Variants in LZTS1 observed in about 807,000 individuals in gnomAD.
LZTS1 encodes the protein leucine zipper putative tumor suppressor 1.
Under a neutral mutation model 45.8 loss-of-function variants are expected in LZTS1, and 31 were observed. The observed-to-expected ratio is 0.68, with a 90% CI of 0.51 to 0.91. The LOEUF (loss-of-function observed/expected upper bound fraction) is 0.91, where lower values mean the gene tolerates loss of function less well. Ranked by LOEUF, LZTS1 falls within the 40% of genes least tolerant of loss-of-function variation. The pLI is 0.00. For missense variants in LZTS1, 821 were observed against 788.9 expected (o/e 1.04, Z -0.49); for synonymous variants, 359 against 357.3 (o/e 1.00, Z -0.05).
intron 1 of LZTS1, among the ~76,000 whole-genome samples, chr8:20,303,273 G>C (rs1470927108): frequency 3.3e-5 from 5 of 152,096 alleles, no homozygotes; most frequent in Non-Finnish European, 5.9e-5. Context: ...CCACCGGTGT[G>C]GACACAGCTC....
At chr8:20,252,684 G>T (rs1799960283) in intron 3 of LZTS1, 98 bp downstream of exon 3, 9 of 1,120,106 alleles carry the variant, frequency 8.0e-6, no homozygotes, top group Admixed American at 2.6e-5. Flanking sequence ...TGCCTGCGCG[G>T]TCTGTGTTTG....
In LZTS1 at chr8:20,260,170, G is replaced by A. The variant is rs544565196; in HGVS notation, c.-134-4855C>T. Among the ~76,000 whole-genome samples the A allele has an allele frequency of 2.0e-4, 30 of 152,262 alleles. No homozygotes were observed. In the South Asian group the frequency reaches 2.9e-3, roughly 15 times the overall value. ...TCCCACCTTGGCCTCCCAAAGCACT[G>A]GGATTACAGGTGTGAGCCACCACAC... On this transcript the variant is annotated intron_variant, in intron 1 of 3. Transcript: ENST00000381569.
chr8:20,277,795 T>G (rs552818541), intron 1 of LZTS1, among the ~76,000 whole-genome samples: 3 of 152,272 alleles, frequency 2.0e-5, no homozygotes, highest in South Asian at 4.1e-4. Context: ...CAGCAGGATT[T>G]GTCAGCCTCC....
chr8:20,285,903 A>G (rs1363972640), intron 1 of LZTS1, among the ~76,000 whole-genome samples: 1 of 152,232 alleles, frequency 6.6e-6, no homozygotes, highest in African/African-American at 2.4e-5. Flanking sequence ...GAAAAAGGAG[A>G]CATGGCAGGC....
chr8:20,271,311 C>T (rs1445271539), intron 1 of LZTS1, among the ~76,000 whole-genome samples: 1 of 152,160 alleles, frequency 6.6e-6, no homozygotes, highest in African/African-American at 2.4e-5. Flanking sequence ...GGTTGAGCAT[C>T]CGGCCGTGTT....
chr8:20,258,395 A>T lies in LZTS1; in HGVS notation c.-134-3080T>A, dbSNP rs146757451. ...TTAATTTTAATTTTATTATATATAT[A>T]TTTTTTACAATTAGCAGTTGTGCAT... On this transcript the variant is annotated intron_variant, in intron 1 of 3. Coordinates refer to ENST00000381569, the MANE Select transcript of LZTS1 (RefSeq NM_021020.5). 2.3e-3 allele frequency among the ~76,000 whole-genome samples: 356 copies of T among 152,112 alleles called. 4 individuals are homozygous for T. Among genetic ancestry groups the T allele is most frequent in the African/African-American group, 8.3e-3 (344 of 41,522 alleles).
At chr8:20,291,759 C>G (rs1800904628) in intron 1 of LZTS1, among the ~76,000 whole-genome samples, 1 of 152,216 alleles carries the variant, frequency 6.6e-6, no homozygotes, top group Non-Finnish European at 1.5e-5. Context: ...CTCAGAGAGG[C>G]CAAGTGACTT....
intron 1 of LZTS1, among the ~76,000 whole-genome samples, chr8:20,268,466 C>T (rs1800407276): frequency 1.3e-5 from 2 of 151,978 alleles, no homozygotes. Context: ...ATTCCTCCTC[C>T]TGTTTGTATT....
intron 1 of LZTS1, among the ~76,000 whole-genome samples, chr8:20,299,256 G>A (rs1326358417): frequency 1.3e-5 from 2 of 152,132 alleles, no homozygotes; most frequent in African/African-American, 2.4e-5. Flanking sequence ...CTCCTGCTTC[G>A]CTGACTCCCT....
chr8:20,249,420 T>C lies in LZTS1; in HGVS notation c.*302A>G, dbSNP rs1288813428. The C allele has an allele frequency of 6.0e-6, 2 of 334,406 alleles. No homozygotes were observed. Among genetic ancestry groups the C allele is most frequent in the East Asian group, 1.1e-4 (2 of 18,716 alleles). The allele number at this position is 334,406 out of a possible 1,614,324, so 20.7% of individuals were successfully genotyped here. A position where few individuals can be genotyped will look rare whatever the true frequency, so the allele number is the denominator to read the frequency against. On this transcript the variant is annotated 3_prime_UTR_variant, in exon 4 of 4. Coordinates refer to ENST00000381569, the MANE Select transcript of LZTS1 (RefSeq NM_021020.5). The stretch of plus-strand genomic sequence containing the variant: ...TTCCCTGGAGGAGGGGGAGAGGATA[T>C]CTATTTCGAACAAAGGCCAAAGTTT...
intron 1 of LZTS1, among the ~76,000 whole-genome samples, chr8:20,270,647 C>T (rs952211397): frequency 1.3e-5 from 2 of 152,050 alleles, no homozygotes; most frequent in Non-Finnish European, 2.9e-5. Flanking sequence ...GGACAAAAGG[C>T]GCAGACTCCT....
intron 1 of LZTS1, among the ~76,000 whole-genome samples, chr8:20,268,531 TG>T (rs1330880400): frequency 4.7e-5 from 7 of 150,034 alleles, no homozygotes; most frequent in African/African-American, 1.7e-4. Context: ...GGAAAGGGGT[TG>T]GGGGCCAGGG....
At chr8:20,282,979 C>G (rs1265776352) in intron 1 of LZTS1, among the ~76,000 whole-genome samples, 1 of 152,032 alleles carries the variant, frequency 6.6e-6, no homozygotes, top group African/African-American at 2.4e-5. Flanking sequence ...TAAAATAGGA[C>G]ACTTTCTCTT....
rs969970759 is a variant in LZTS1, at chr8:20,303,937, G to C, written c.-332C>G. ...CTCCCCGCCCGGCCGCTGCCAACCC[G>C]CCAGCTCCAGGCGCGCCGGCCTCTG... On this transcript the variant is annotated 5_prime_UTR_variant, in exon 1 of 4. Coordinates refer to ENST00000381569, the MANE Select transcript of LZTS1 (RefSeq NM_021020.5). 49 of 979,996 alleles carry C rather than the reference G, an allele frequency of 5.0e-5. No homozygotes were observed. The African/African-American group carries it at 7.9e-4, about 16-fold the overall frequency. The allele number at this position is 979,996 out of a possible 1,614,324, so 60.7% of individuals were successfully genotyped here.
chr8:20,268,434 G>T (rs1211193769), intron 1 of LZTS1, among the ~76,000 whole-genome samples: 1 of 151,772 alleles, frequency 6.6e-6, no homozygotes, highest in African/African-American at 2.4e-5. Context: ...TACTCTGCCC[G>T]ATTCAGCTTT....
chr8:20,298,242 AG>A (rs892989608), intron 1 of LZTS1, among the ~76,000 whole-genome samples: 2 of 152,090 alleles, frequency 1.3e-5, no homozygotes, highest in East Asian at 3.9e-4. Context: ...TTGTAGTTTT[AG>A]TAGAGACAGG....
At chr8:20,264,277 T>C (rs1800304439) in intron 1 of LZTS1, among the ~76,000 whole-genome samples, 1 of 152,192 alleles carries the variant, frequency 6.6e-6, no homozygotes, top group African/African-American at 2.4e-5. Context: ...TTCCACCTCA[T>C]TTCTTTTACT....
At chr8:20,302,954 G>A (rs2128900557) in intron 1 of LZTS1, among the ~76,000 whole-genome samples, 1 of 152,200 alleles carries the variant, frequency 6.6e-6, no homozygotes. Context: ...GATGCCTGTT[G>A]CTGCCAAGCT....
In LZTS1 at chr8:20,255,001, T is replaced by C; in HGVS notation, c.181A>G (p.Lys61Glu). ...TTGATGTAGAAGAAGTCTTCGCTCT[T>C]GCCCATTTTGGAGCTGGACTTGCCG... is the stretch of plus-strand genomic sequence containing the variant. The part of the protein sequence containing the change: ...GHGKSSSKMG[K>E]SEDFFYIKVS... Residue 61 changes from lysine (K) to glutamate (E), a missense_variant, in exon 2 of 4, where the codon AAG becomes GAG. Physicochemically the swap from Lys to Glu is moderately conservative, Grantham distance 56 (BLOSUM62 1). Coordinates refer to ENST00000381569, the MANE Select transcript of LZTS1 (RefSeq NM_021020.5). The C allele has an allele frequency of 1.2e-6, 2 of 1,614,210 alleles. No individual in the cohort carries two copies. The highest frequency in any genetic ancestry group is 1.6e-4 in the Middle Eastern group (1 of 6,062).
Sources: gnomAD v4.1 joint callset for allele counts (sites outside exome capture counted in the v4.1 genomes callset) on GRCh38, gnomAD v4.1.1 for gene constraint, MANE v1.5 for transcripts, NCBI Gene and HGNC (gene_info 2026-07-23, HGNC 2026-07-21) for gene names.